The following TMEM255A variants were observed in gnomAD, a reference collection of about 807,000 sequenced individuals.
The protein encoded by TMEM255A is transmembrane protein 255A.
A neutral mutation model predicts 23.5 loss-of-function variants in TMEM255A; 14 were observed. The observed-to-expected ratio is 0.60, with a 90% confidence interval of 0.39 to 0.93. The LOEUF is 0.93. Ranked by LOEUF, TMEM255A falls within the 40% of genes least tolerant of loss-of-function variation. TMEM255A has a pLI of 0.00. For missense variants in TMEM255A, 233 were observed against 261.7 expected, an observed-to-expected ratio of 0.89 and a Z score of 0.76; for synonymous variants, 104 against 100.3, an observed-to-expected ratio of 1.04 and a Z score of -0.22.
intron 5 of TMEM255A, chrX:120,285,513 C>T (rs1321431716): frequency 1.0e-6 from 1 of 999,311 alleles, no homozygotes; most frequent in African/African-American, 1.9e-5. Context: ...AACAAATGGA[C>T]TGAAGGAAAT....
At chrX:120,265,067 G>A (rs1359513369) in intron 8 of TMEM255A, among the ~76,000 whole-genome samples, 1 of 110,064 alleles carries the variant, frequency 9.1e-6, no homozygotes, top group Non-Finnish European at 1.9e-5. Context: ...AGTAGAGATG[G>A]GGTTTCTCCG....
At chrX:120,286,040 C>A in intron 5 of TMEM255A, 2 of 553,816 alleles carry the variant, frequency 3.6e-6, no homozygotes, top group Non-Finnish European at 5.3e-6. Context: ...TACTGCCTTT[C>A]AGATAAGCTG....
At chrX:120,288,032 G>A in intron 4 of TMEM255A, among the ~76,000 whole-genome samples, 1 of 111,194 alleles carries the variant, frequency 9.0e-6, no homozygotes, top group East Asian at 2.8e-4. Context: ...CCTCCCCTGA[G>A]TGGTAGGGGG....
In TMEM255A at chrX:120,270,545, T is replaced by C. The variant is rs190131942; in HGVS notation, c.676-2158A>G. On this transcript the variant is annotated intron_variant, in intron 7 of 8. Transcript: ENST00000371369. Reference sequence around the variant, plus strand: ...TCTCCAGTTTACTCTAAACCAGCGATACCAATTAGGAGAAAATGGAAAGAT... The same window carrying C: ...TCTCCAGTTTACTCTAAACCAGCGACACCAATTAGGAGAAAATGGAAAGAT... 9.8e-5 allele frequency among the ~76,000 whole-genome samples: 11 copies of C among 111,786 alleles called. No individual in the cohort carries two copies. In the East Asian group the frequency reaches 2.8e-3, roughly 28 times the overall value.
rs1411694993 is a variant in TMEM255A at position 120,260,201 on chromosome X, A to C, written c.*669T>G. The C allele has an allele frequency of 1.3e-6, 1 of 749,962 alleles. No homozygotes were observed. Among genetic ancestry groups the C allele is most frequent in the East Asian group, 1.5e-4 (1 of 6,670 alleles). The allele number at this position is 749,962 out of a possible 1,213,427, so 61.8% of individuals were successfully genotyped here. A position where few individuals can be genotyped will look rare whatever the true frequency, so the allele number is the denominator to read the frequency against. ...TATTTCAGTGTTTCCGGAACAATACATCCTGTTCCCCACTACTGAAGATGC... is the reference window on the plus strand; with the variant it reads ...TATTTCAGTGTTTCCGGAACAATACCTCCTGTTCCCCACTACTGAAGATGC... On this transcript the variant is annotated 3_prime_UTR_variant, in exon 9 of 9. Coordinates refer to ENST00000371369, the MANE Select transcript of TMEM255A (RefSeq NM_001104544.3).
intron 2 of TMEM255A, among the ~76,000 whole-genome samples, chrX:120,303,188 T>A (rs2058043923): frequency 9.0e-6 from 1 of 111,625 alleles, no homozygotes; most frequent in South Asian, 3.8e-4. Flanking sequence ...GCATGCACCC[T>A]AGGGTAGATA....
intron 4 of TMEM255A, among the ~76,000 whole-genome samples, chrX:120,288,588 C>G (rs2057893079): frequency 1.8e-5 from 2 of 112,310 alleles, no homozygotes; most frequent in African/African-American, 6.5e-5. Context: ...TGCCCATTTG[C>G]TGCCTCTGGC....
Position 120,304,430 on chromosome X carries a change from G to A in TMEM255A, c.120C>T (p.Ser40=), listed in dbSNP as rs782407268. Residue 40 remains serine, a synonymous_variant, in exon 2 of 9, where the codon TCC becomes TCT. Coordinates refer to ENST00000371369, the MANE Select transcript of TMEM255A (RefSeq NM_001104544.3). ...IYVTVTLLIV[S]VLILTVGLAA... ...CAAGGCCCACTGTGAGAATTAACAC[G>A]GACACAATAAGCAAAGTCACGGTGA... The A allele has an allele frequency of 3.3e-6, 4 of 1,209,615 alleles. No individual in the cohort carries two copies. Among genetic ancestry groups the A allele is most frequent in the Non-Finnish European group, 4.5e-6 (4 of 894,005 alleles).
chrX:120,278,586 C>T (rs2057816350), intron 6 of TMEM255A, among the ~76,000 whole-genome samples: 2 of 111,969 alleles, frequency 1.8e-5, no homozygotes, highest in African/African-American at 6.5e-5. Flanking sequence ...TCCTGGATGT[C>T]ACAAACTAGT....
rs1044037339 is a variant in TMEM255A at position 120,280,908 on chromosome X, T to C, written c.513-3861A>G. ...CTCTGCCTATCCTAATCTCTCTCACTGCTCAAAGCTTCAATAGTGCCTTCT... is the reference window on the plus strand; with the variant it reads ...CTCTGCCTATCCTAATCTCTCTCACCGCTCAAAGCTTCAATAGTGCCTTCT... On this transcript the variant is annotated intron_variant, in intron 6 of 8. Coordinates refer to ENST00000371369, the MANE Select transcript of TMEM255A (RefSeq NM_001104544.3). Among the ~76,000 whole-genome samples, 6 of 112,342 alleles carry C rather than the reference T, an allele frequency of 5.3e-5. No individual in the cohort carries two copies. The Admixed American group carries it at 5.7e-4, about 11-fold the overall frequency.
chrX:120,285,287 C>A lies in TMEM255A; in HGVS notation c.424-72G>T, dbSNP rs782012959. On this transcript the variant is annotated intron_variant, in intron 5 of 8. Transcript: ENST00000371369. ...GCAGGACCCTCTGGGATTGGAAATG[C>A]GAGTTAGTGACTGATGGAGACAGTA... 5.6e-4 allele frequency: 500 copies of A among 891,538 alleles called. 1 individual carries two copies. Among genetic ancestry groups the A allele is most frequent in the South Asian group, 3.5e-3 (175 of 50,069 alleles). The allele number at this position is 891,538 out of a possible 1,213,427, so 73.5% of individuals were successfully genotyped here. A position where few individuals can be genotyped will look rare whatever the true frequency, so the allele number is the denominator to read the frequency against.
chrX:120,260,643 A>G lies in TMEM255A; in HGVS notation c.*227T>C, dbSNP rs1391638908. 2 of 367,961 alleles carry G rather than the reference A, an allele frequency of 5.4e-6. No individual in the cohort carries two copies. Among genetic ancestry groups the G allele is most frequent in the Non-Finnish European group, 8.9e-6 (2 of 224,303 alleles). The allele number at this position is 367,961 out of a possible 1,213,427, so 30.3% of individuals were successfully genotyped here. A position where few individuals can be genotyped will look rare whatever the true frequency, so the allele number is the denominator to read the frequency against. The stretch of plus-strand genomic sequence containing the variant: ...AAGCTTCTTGCTGGGCTGGCTCCCC[A>G]GTCTTGCTTAGAGAATGTGAGCTGC... On this transcript the variant is annotated 3_prime_UTR_variant, in exon 9 of 9. Coordinates refer to ENST00000371369, the MANE Select transcript of TMEM255A (RefSeq NM_001104544.3).
chrX:120,305,987 T>C (rs782674699), intron 1 of TMEM255A, among the ~76,000 whole-genome samples: 3 of 111,801 alleles, frequency 2.7e-5, no homozygotes, highest in Non-Finnish European at 3.8e-5. Context: ...ATTTCTAATA[T>C]GGGACTAATC....
chrX:120,266,010 C>T (rs916058814), intron 8 of TMEM255A, among the ~76,000 whole-genome samples: 9 of 91,739 alleles, frequency 9.8e-5, no homozygotes, highest in Non-Finnish European at 1.8e-4. Context: ...AAAAAATAGC[C>T]GGGCATGGTG....
intron 6 of TMEM255A, among the ~76,000 whole-genome samples, chrX:120,279,792 C>T (rs1002658929): frequency 9.0e-6 from 1 of 111,555 alleles, no homozygotes; most frequent in Admixed American, 9.5e-5. Flanking sequence ...GGCATGAAAG[C>T]AGTACTCCAA....
chrX:120,285,327 A>G (rs782652829), intron 5 of TMEM255A, 112 bp from the exon 6 acceptor site: 20 of 717,148 alleles, frequency 2.8e-5, no homozygotes, highest in Non-Finnish European at 3.7e-5. Context: ...TGGCTTTGAA[A>G]TGAACACCCA....
intron 7 of TMEM255A, among the ~76,000 whole-genome samples, chrX:120,271,341 G>C (rs1556018747): frequency 8.9e-6 from 1 of 111,844 alleles, no homozygotes; most frequent in African/African-American, 3.3e-5. Flanking sequence ...CTGCTACTCA[G>C]CTCTGGGCAA....
At chrX:120,263,737 GA>G (rs782244509) in intron 8 of TMEM255A, among the ~76,000 whole-genome samples, 18 of 90,660 alleles carry the variant, frequency 2.0e-4, no homozygotes, top group Admixed American at 5.2e-4. Flanking sequence ...AAAGAAAGAG[GA>G]AAAAAAAAAG....
chrX:120,288,158 C>T (rs782125994), intron 4 of TMEM255A, among the ~76,000 whole-genome samples: 2 of 112,103 alleles, frequency 1.8e-5, no homozygotes, highest in Admixed American at 1.9e-4. Flanking sequence ...CTTCTGCCCC[C>T]ACTTCTTTCA....
Sources: allele counts gnomAD v4.1 joint callset (sites outside exome capture counted in the v4.1 genomes callset), GRCh38; gene constraint gnomAD v4.1.1; transcripts MANE v1.5; gene names NCBI Gene and HGNC (gene_info 2026-07-23, HGNC 2026-07-21).